CELF2: variants seen among roughly 807,000 people sequenced by gnomAD.
CELF2 encodes CUGBP Elav-like family member 2, also known as CUG triplet repeat RNA-binding protein 2.
In CELF2, 8 loss-of-function variants were observed where a neutral mutation model predicts 62.6. That is an observed-to-expected ratio of 0.13 (90% CI 0.07 to 0.23). CELF2 has a LOEUF of 0.23. Among genes scored for constraint, CELF2 ranks in the 10% least tolerant of loss-of-function variants. CELF2 has a pLI of 1.00. For missense variants in CELF2, 333 were observed against 671.0 expected (o/e 0.50, Z 5.56); for synonymous variants, 258 against 250.0 (o/e 1.03, Z -0.30).
At chr10:11,118,183 G>T (rs561750357) in intron 1 of CELF2, among the ~76,000 whole-genome samples, 1 of 152,060 alleles carries the variant, frequency 6.6e-6, no homozygotes, top group South Asian at 2.1e-4. Flanking sequence ...CCAACTGAGG[G>T]CTCATTGCCC....
chr10:11,168,080 G>A (rs1003516712), intron 2 of CELF2, among the ~76,000 whole-genome samples: 2 of 152,146 alleles, frequency 1.3e-5, no homozygotes, highest in African/African-American at 2.4e-5. Context: ...TGTTCCCCAA[G>A]TGAAAGGAAG....
chr10:10,699,396 T>A, the CELF2 span, among the ~76,000 whole-genome samples: 1 of 152,216 alleles, frequency 6.6e-6, no homozygotes, highest in Non-Finnish European at 1.5e-5. Flanking sequence ...GATGGGGATA[T>A]CAATGGTGAG....
At chr10:10,892,985 A>G (rs999503138) in intron 1 of CELF2, among the ~76,000 whole-genome samples, 3 of 152,296 alleles carry the variant, frequency 2.0e-5, no homozygotes, top group African/African-American at 7.2e-5. Flanking sequence ...TTTTTTTGTC[A>G]TCCTTCTTTT....
At chr10:10,525,520 T>C in the CELF2 span, among the ~76,000 whole-genome samples, 1 of 152,216 alleles carries the variant, frequency 6.6e-6, no homozygotes. Flanking sequence ...TGACCCCGTG[T>C]AACCACCATT....
At chr10:10,753,304 T>A in the CELF2 span, among the ~76,000 whole-genome samples, 1 of 88,952 alleles carries the variant, frequency 1.1e-5, no homozygotes, top group Admixed American at 1.2e-4. Context: ...AAGCTCTGTG[T>A]GTGTGTGTGT....
the CELF2 span, among the ~76,000 whole-genome samples, chr10:10,598,878 C>G: frequency 6.7e-6 from 1 of 150,350 alleles, no homozygotes; most frequent in African/African-American, 2.4e-5. Flanking sequence ...TCAGCCTCCC[C>G]GGTAGCTAGG....
upstream of CELF2, among the ~76,000 whole-genome samples, chr10:10,797,652 G>A (rs924378557): frequency 6.6e-6 from 1 of 152,210 alleles, no homozygotes; most frequent in Non-Finnish European, 1.5e-5. Context: ...GGGCTGGCCA[G>A]CCATGGTCCG....
chr10:10,800,709 T>C (rs944068095), intron 1 of CELF2, among the ~76,000 whole-genome samples: 2 of 152,226 alleles, frequency 1.3e-5, no homozygotes. Context: ...TTACCAGGAT[T>C]TCTTGATGAA....
Position 11,290,432 on chromosome 10 carries a change from AG to A in CELF2, c.976+1882del, listed in dbSNP as rs2092343864. 6.6e-6 allele frequency among the ~76,000 whole-genome samples: 1 copy of A among 151,344 alleles called. No homozygotes were observed. Among genetic ancestry groups the A allele is most frequent in the South Asian group, 2.1e-4 (1 of 4,784 alleles). ...CGCGTCCGTTCCAGCCCACGTTGGG[AG>A]GAGTGTGAGCTTGTTGCAACCTTCT... On this transcript the variant is annotated intron_variant, in intron 9 of 12. Coordinates refer to ENST00000633077, the MANE Select transcript of CELF2 (RefSeq NM_001326342.2). The surrounding 1 kb of genome is among the most constrained non-coding windows in gnomAD (Gnocchi z 4.3).
chr10:10,969,405 G>A (rs77336651), intron 2 of CELF2, among the ~76,000 whole-genome samples: 3,518 of 152,276 alleles, frequency 0.023, 135 homozygotes, highest in African/African-American at 0.08. Context: ...CCAGTAGATG[G>A]AGAAGGCATA....
intron 1 of CELF2, among the ~76,000 whole-genome samples, chr10:11,024,866 G>T (rs2138357928): frequency 1.3e-5 from 2 of 152,200 alleles, no homozygotes; most frequent in South Asian, 4.1e-4. Context: ...CATAGCTTTT[G>T]GACAGCTTAA....
chr10:10,520,940 A>G, the CELF2 span, among the ~76,000 whole-genome samples: 3 of 152,196 alleles, frequency 2.0e-5, no homozygotes, highest in African/African-American at 7.2e-5. Context: ...CTACTTAGTC[A>G]AGCTGGATGG....
At chr10:11,277,935 T>G (rs2086755831) in intron 8 of CELF2, among the ~76,000 whole-genome samples, 1 of 152,200 alleles carries the variant, frequency 6.6e-6, no homozygotes. Context: ...CATCTAAAAT[T>G]CAAGCAGTCC....
intron 2 of CELF2, among the ~76,000 whole-genome samples, chr10:10,930,718 G>A (rs150399557): frequency 3.9e-5 from 6 of 152,238 alleles, no homozygotes; most frequent in East Asian, 1.9e-4. Flanking sequence ...AAAGTTGCTC[G>A]TCCCTTGGGT....
intron 2 of CELF2, among the ~76,000 whole-genome samples, chr10:11,182,132 T>G (rs1399428360): frequency 6.6e-6 from 1 of 152,264 alleles, no homozygotes; most frequent in Non-Finnish European, 1.5e-5. Context: ...CTGAGCCCTC[T>G]GAGCAGCGTG....
the CELF2 span, among the ~76,000 whole-genome samples, chr10:10,636,786 A>G: frequency 4.9e-4 from 75 of 152,164 alleles, no homozygotes; most frequent in Non-Finnish European, 5.0e-4. Flanking sequence ...TGTGAAGATG[A>G]TCTGTAAGAG....
intron 1 of CELF2, among the ~76,000 whole-genome samples, chr10:11,125,779 T>C (rs952567168): frequency 6.6e-6 from 1 of 152,224 alleles, no homozygotes; most frequent in Non-Finnish European, 1.5e-5. Flanking sequence ...ACTTGTCTCC[T>C]AAAACTCATT....
chr10:11,205,119 T>A lies in CELF2; in HGVS notation c.272-12306T>A, dbSNP rs117512465. Among the ~76,000 whole-genome samples, 18 of 152,300 alleles carry A rather than the reference T, an allele frequency of 1.2e-4. No individual in the cohort carries two copies. In the East Asian group the frequency reaches 3.3e-3, roughly 28 times the overall value. On this transcript the variant is annotated intron_variant, in intron 2 of 12. Transcript: ENST00000633077. ...GTCACGTAAATGGATGTTCAGAGTATTCAAAGGCCATGCGAATGGGTGAAC... is the reference window on the plus strand; with the variant it reads ...GTCACGTAAATGGATGTTCAGAGTAATCAAAGGCCATGCGAATGGGTGAAC...
chr10:11,007,974 A>T (rs186910397), intron 1 of CELF2, among the ~76,000 whole-genome samples: 6 of 152,136 alleles, frequency 3.9e-5, no homozygotes, highest in Non-Finnish European at 7.4e-5. Context: ...CGGTGGTTGG[A>T]TTATTACCAG....
Sources: gnomAD v4.1 joint callset for allele counts (sites outside exome capture counted in the v4.1 genomes callset) on GRCh38, gnomAD v4.1.1 for gene constraint, Gnocchi (gnomAD v3.1) non-coding constraint, MANE v1.5 for transcripts, NCBI Gene and HGNC (gene_info 2026-07-23, HGNC 2026-07-21) for gene names.